The following CRTC1 variants were observed in gnomAD, a reference collection of about 807,000 sequenced individuals.
CRTC1 encodes the protein CREB regulated transcription coactivator 1.
CRTC1 carries 18 observed loss-of-function variants against 66.1 expected under a neutral mutation model. That is an observed-to-expected ratio of 0.27 (90% CI 0.19 to 0.40). CRTC1 has a LOEUF of 0.40. CRTC1 is among the 10% of genes least tolerant of loss of function. CRTC1 has a pLI of 1.00. For synonymous variants in CRTC1, 416 were observed against 398.8 expected (o/e 1.04, Z -0.51); for missense variants, 669 against 887.9 (o/e 0.75, Z 3.13).
chr19:18,712,884 C>T (rs953182597), intron 1 of CRTC1, among the ~76,000 whole-genome samples: 5 of 150,098 alleles, frequency 3.3e-5, no homozygotes, highest in African/African-American at 7.3e-5. Context: ...GGCTTGAACC[C>T]GGGAGGTAGA....
In CRTC1 at chr19:18,777,227, G is replaced by A. The variant is rs1246131850; in HGVS notation, c.1750G>A (p.Val584Ile). Reference sequence around the variant, plus strand: ...AGAACTGACCAGCTCTCTGGCCGGGGTCGGCGACGTCAGCTTCGACTCCGA... The same window carrying A: ...AGAACTGACCAGCTCTCTGGCCGGGATCGGCGACGTCAGCTTCGACTCCGA... ...SKELTSSLAGVGDVSFDSDSQ... is the reference protein window; with the variant it reads ...SKELTSSLAGIGDVSFDSDSQ... Residue 584 changes from valine (V) to isoleucine (I), a missense_variant, in exon 14 of 14, where the codon GTC becomes ATC. This residue lies in a region of CRTC1 where 91 missense variants were observed against 99.1 expected (regional missense o/e 0.92). Coordinates refer to ENST00000321949, the MANE Select transcript of CRTC1 (RefSeq NM_015321.3). This position sits in a 1 kb window ranked among gnomAD's most constrained non-coding sequence, Gnocchi z 5.5. The A allele has an allele frequency of 6.2e-7, 1 of 1,611,112 alleles. No homozygotes were observed.
chr19:18,729,351 G>A (rs1306919728), intron 1 of CRTC1, among the ~76,000 whole-genome samples: 3 of 151,074 alleles, frequency 2.0e-5, no homozygotes, highest in Non-Finnish European at 3.0e-5. Context: ...GCGTGAACCC[G>A]AGAGGCGGAG....
At chr19:18,703,344 A>G (rs546218135) in intron 1 of CRTC1, among the ~76,000 whole-genome samples, 1 of 151,930 alleles carries the variant, frequency 6.6e-6, no homozygotes, top group Admixed American at 6.6e-5. Context: ...AGTTGTCACA[A>G]TTCTATTAAC....
chr19:18,756,155 A>G (rs1420351794), intron 6 of CRTC1, among the ~76,000 whole-genome samples: 1 of 151,930 alleles, frequency 6.6e-6, no homozygotes, highest in Non-Finnish European at 1.5e-5. Flanking sequence ...ACAACATGGT[A>G]AAATCCCGTT....
At chr19:18,700,933 A>T (rs1448244905) in intron 1 of CRTC1, among the ~76,000 whole-genome samples, 2 of 152,264 alleles carry the variant, frequency 1.3e-5, no homozygotes, top group Non-Finnish European at 2.9e-5. Flanking sequence ...ATCTGTGCGC[A>T]TCCCGCTTCC....
intron 3 of CRTC1, among the ~76,000 whole-genome samples, chr19:18,746,332 C>T (rs1238644526): frequency 1.3e-5 from 2 of 152,164 alleles, no homozygotes; most frequent in African/African-American, 2.4e-5. Context: ...GCCTCTCCTA[C>T]GCGCTGCACG....
At position 18,771,336 on chromosome 19, in the gene CRTC1, C is replaced by G. The variant is rs926411188; in HGVS notation, c.1321-106C>G. 1 of 892,114 alleles carries G rather than the reference C, an allele frequency of 1.1e-6. No homozygotes were observed. 55.3% of individuals were successfully genotyped at this position (892,114 alleles called of 1,614,324 possible). A position where few individuals can be genotyped will look rare whatever the true frequency, so the allele number is the denominator to read the frequency against. On this transcript the variant is annotated intron_variant, in intron 10 of 13. Transcript: ENST00000321949. The surrounding 1 kb of genome is among the most constrained non-coding windows in gnomAD (Gnocchi z 4.6). Reference sequence around the variant, plus strand: ...GCGACCATCACCAAGGTGTGAGGGGCGGGGGGACCTGCCTGGGGGCTGATC... The same window carrying G: ...GCGACCATCACCAAGGTGTGAGGGGGGGGGGGACCTGCCTGGGGGCTGATC...
intron 1 of CRTC1, among the ~76,000 whole-genome samples, chr19:18,711,329 G>A (rs1227168918): frequency 6.6e-6 from 1 of 151,996 alleles, no homozygotes; most frequent in African/African-American, 2.4e-5. Context: ...GGCGGCCCCG[G>A]GGCCGCTTTG....
intron 1 of CRTC1, among the ~76,000 whole-genome samples, chr19:18,688,225 G>A (rs77242539): frequency 0.06 from 9,177 of 152,156 alleles, 360 homozygotes; most frequent in Non-Finnish European, 0.092. Context: ...CCACGTGCTA[G>A]GAGTGGCTGG....
chr19:18,697,420 C>T (rs552712877), intron 1 of CRTC1, among the ~76,000 whole-genome samples: 1 of 152,274 alleles, frequency 6.6e-6, no homozygotes, highest in Non-Finnish European at 1.5e-5. Flanking sequence ...AGCGATTGTC[C>T]TGCCTCAGCC....
intron 1 of CRTC1, among the ~76,000 whole-genome samples, chr19:18,716,146 T>C (rs2053502229): frequency 6.6e-6 from 1 of 151,864 alleles, no homozygotes; most frequent in Admixed American, 6.6e-5. Context: ...GACCCTGTAG[T>C]GAGTGCAGCA....
intron 8 of CRTC1, among the ~76,000 whole-genome samples, chr19:18,763,840 G>A (rs968316501): frequency 5.9e-5 from 9 of 152,190 alleles, no homozygotes; most frequent in Non-Finnish European, 1.0e-4. Context: ...TGGGCACTGA[G>A]CATCTCTCGG....
Position 18,777,229 on chromosome 19 carries a change from C to T in CRTC1, c.1752C>T (p.Val584=), listed in dbSNP as rs149033031. 1.2e-4 allele frequency: 186 copies of T among 1,601,444 alleles called. No individual in the cohort carries two copies. The highest frequency in any genetic ancestry group is 2.7e-4 in the Admixed American group (16 of 59,704). Residue 584 remains valine, a synonymous_variant, in exon 14 of 14, where the codon GTC becomes GTT. Coordinates refer to ENST00000321949, the MANE Select transcript of CRTC1 (RefSeq NM_015321.3). This position sits in a 1 kb window ranked among gnomAD's most constrained non-coding sequence, Gnocchi z 5.5. ...AACTGACCAGCTCTCTGGCCGGGGTCGGCGACGTCAGCTTCGACTCCGACA... is the reference window on the plus strand; with the variant it reads ...AACTGACCAGCTCTCTGGCCGGGGTTGGCGACGTCAGCTTCGACTCCGACA... The part of the protein sequence containing the change: ...SKELTSSLAG[V]GDVSFDSDSQ...
intron 1 of CRTC1, among the ~76,000 whole-genome samples, chr19:18,728,249 G>T (rs529075130): frequency 8.3e-4 from 126 of 152,230 alleles, no homozygotes; most frequent in African/African-American, 2.9e-3. Flanking sequence ...GTCCCGTCCC[G>T]GCCCATCTCT....
intron 1 of CRTC1, among the ~76,000 whole-genome samples, chr19:18,733,087 T>TAAA (rs113328472): frequency 7.0e-6 from 1 of 143,642 alleles, no homozygotes; most frequent in African/African-American, 2.5e-5. Context: ...ACCTGTCTCT[T>TAAA]AAAAAAAAAA....
At chr19:18,767,016 G>A (rs1484437623) in intron 9 of CRTC1, among the ~76,000 whole-genome samples, 1 of 152,136 alleles carries the variant, frequency 6.6e-6, no homozygotes, top group African/African-American at 2.4e-5. Flanking sequence ...GCTCAAATGT[G>A]TTGGGAAGTT....
chr19:18,699,995 C>T (rs1224517458), intron 1 of CRTC1, among the ~76,000 whole-genome samples: 1 of 152,062 alleles, frequency 6.6e-6, no homozygotes, highest in African/African-American at 2.4e-5. Context: ...AGCCTCATCT[C>T]GGCAGCTCTC....
At chr19:18,699,110 G>C (rs1470784696) in intron 1 of CRTC1, among the ~76,000 whole-genome samples, 1 of 152,208 alleles carries the variant, frequency 6.6e-6, no homozygotes, top group Non-Finnish European at 1.5e-5. Flanking sequence ...TGCTCAGCAG[G>C]CATCAGCAGG....
At chr19:18,718,170 G>C (rs547704331) in intron 1 of CRTC1, among the ~76,000 whole-genome samples, 1 of 151,918 alleles carries the variant, frequency 6.6e-6, no homozygotes, top group Admixed American at 6.6e-5. Context: ...CTCCTCCCCA[G>C]CCCCTGGCAG....
Sources: gnomAD v4.1 joint callset for allele counts (sites outside exome capture counted in the v4.1 genomes callset) on GRCh38, gnomAD v4.1.1 for gene constraint, gnomAD v4.1.1 regional missense constraint, Gnocchi (gnomAD v3.1) non-coding constraint, MANE v1.5 for transcripts, NCBI Gene and HGNC (gene_info 2026-07-23, HGNC 2026-07-21) for gene names.